The following BCL11B variants were observed in gnomAD, a reference collection of about 807,000 sequenced individuals.
BCL11B encodes the protein B-cell lymphoma/leukemia 11B.
Under a neutral mutation model 49.9 loss-of-function variants are expected in BCL11B, and 8 were observed. That is an observed-to-expected ratio of 0.16 (90% CI 0.09 to 0.29). The LOEUF (loss-of-function observed/expected upper bound fraction) is 0.29, where lower values mean the gene tolerates loss of function less well. Ranked by LOEUF, BCL11B falls within the 10% of genes least tolerant of loss-of-function variation. BCL11B has a pLI of 1.00. For synonymous variants in BCL11B, 739 were observed against 637.4 expected (o/e 1.16, Z -2.40); for missense variants, 1,006 against 1,351.0 (o/e 0.74, Z 4.00).
rs148621264 is a variant in BCL11B at position 99,214,671 on chromosome 14, A to T, written c.640+16674T>A. Among the ~76,000 whole-genome samples, 876 of 151,656 alleles carry T rather than the reference A, an allele frequency of 5.8e-3. 6 individuals carry two copies. Among genetic ancestry groups the T allele is most frequent in the South Asian group, 0.016 (77 of 4,814 alleles). On this transcript the variant is annotated intron_variant, in intron 3 of 3. Transcript: ENST00000357195. Reference sequence around the variant, plus strand: ...ACCTAAAATACATTTAAATATTAAAAAAATAAATAAATAAATAAATAAACA... The same window carrying T: ...ACCTAAAATACATTTAAATATTAAATAAATAAATAAATAAATAAATAAACA...
At chr14:99,254,735 CG>C (rs1359639678) in intron 2 of BCL11B, among the ~76,000 whole-genome samples, 1 of 152,222 alleles carries the variant, frequency 6.6e-6, no homozygotes, top group Non-Finnish European at 1.5e-5. Context: ...ACAGCCGGCC[CG>C]GGGGCCAGGA....
chr14:99,261,010 T>A (rs762009511), intron 1 of BCL11B, among the ~76,000 whole-genome samples: 3 of 152,328 alleles, frequency 2.0e-5, no homozygotes, highest in Middle Eastern at 3.4e-3. Flanking sequence ...ACTTTCAGCG[T>A]TGAAAGTTAA....
chr14:99,241,767 C>G lies in BCL11B; in HGVS notation c.428-10210G>C, dbSNP rs570279057. ...AAAACATCAGTGTCACTAAAAAAAACGTCACTCTGTTTTGCAAAATCCAGC... is the reference window on the plus strand; with the variant it reads ...AAAACATCAGTGTCACTAAAAAAAAGGTCACTCTGTTTTGCAAAATCCAGC... On this transcript the variant is annotated intron_variant, in intron 2 of 3. Transcript: ENST00000357195. The surrounding 1 kb of genome is among the most constrained non-coding windows in gnomAD (Gnocchi z 4.4). Among the ~76,000 whole-genome samples the G allele has an allele frequency of 1.3e-5, 2 of 151,742 alleles. No homozygotes were observed. The highest frequency in any genetic ancestry group is 2.9e-5 in the Non-Finnish European group (2 of 67,982).
intron 1 of BCL11B, among the ~76,000 whole-genome samples, chr14:99,267,552 C>T (rs959270298): frequency 2.0e-5 from 3 of 147,096 alleles, no homozygotes; most frequent in East Asian, 2.0e-4. Flanking sequence ...TCACCCCCCC[C>T]CCACCAACTA....
intron 1 of BCL11B, among the ~76,000 whole-genome samples, chr14:99,267,617 C>T (rs1405238): frequency 0.7 from 104,786 of 150,426 alleles, 37,425 homozygotes; most frequent in East Asian, 0.99. Flanking sequence ...AGGCCCAATT[C>T]TGAAAGACAT....
chr14:99,193,689 C>A (rs1887102231), intron 3 of BCL11B, among the ~76,000 whole-genome samples: 1 of 152,160 alleles, frequency 6.6e-6, no homozygotes, highest in Non-Finnish European at 1.5e-5. Flanking sequence ...AATAGAGAAA[C>A]CAACAGCCAA....
chr14:99,234,855 C>CAAAA (rs34831762), intron 2 of BCL11B, among the ~76,000 whole-genome samples: 22 of 66,556 alleles, frequency 3.3e-4, no homozygotes, highest in East Asian at 4.1e-4. Flanking sequence ...GGTCTATGCA[C>CAAAA]AAAAAAAAAA....
At chr14:99,188,670 AG>A (rs1886931142) in intron 3 of BCL11B, among the ~76,000 whole-genome samples, 1 of 152,042 alleles carries the variant, frequency 6.6e-6, no homozygotes, top group Non-Finnish European at 1.5e-5. Flanking sequence ...CCATAGGGAG[AG>A]GTCTGAGGGG....
chr14:99,200,679 AC>A (rs1304090777), intron 3 of BCL11B, among the ~76,000 whole-genome samples: 1 of 152,036 alleles, frequency 6.6e-6, no homozygotes, highest in Non-Finnish European at 1.5e-5. Context: ...TGGGTCACAG[AC>A]CCCCATGGCC....
At position 99,175,323 on chromosome 14, in the gene BCL11B, G is replaced by C; in HGVS notation, c.1513C>G (p.Leu505Val). The C allele has an allele frequency of 1.3e-6, 2 of 1,546,966 alleles. No individual in the cohort carries two copies. The highest frequency in any genetic ancestry group is 1.7e-6 in the Non-Finnish European group (2 of 1,151,598). Residue 505 changes from leucine (L) to valine (V), a missense_variant, in exon 4 of 4, where the codon CTG becomes GTG. Leu to Val is a conservative substitution (Grantham distance 32). This residue lies in a region of BCL11B where 443 missense variants were observed against 499.7 expected (regional missense o/e 0.89). Transcript: ENST00000357195. ...GCCGCCTTGAGGCCCTCGCCCGCCA[G>C]CTCGCTGGTGCCGGGCTCGGGGGAG... The part of the protein sequence containing the change: ...ASSPEPGTSE[L>V]AGEGLKAADG...
chr14:99,233,525 G>A (rs1888398125), intron 2 of BCL11B, among the ~76,000 whole-genome samples: 1 of 152,146 alleles, frequency 6.6e-6, no homozygotes, highest in African/African-American at 2.4e-5. Context: ...TGGTTCCTGG[G>A]TTCTGGGTGA....
intron 3 of BCL11B, among the ~76,000 whole-genome samples, chr14:99,182,285 G>T (rs1015758842): frequency 6.6e-6 from 1 of 152,194 alleles, no homozygotes; most frequent in Admixed American, 6.5e-5. Context: ...CCACCGTCAT[G>T]ATGACCATTT....
In BCL11B at chr14:99,204,270, G is replaced by C. The variant is rs550954085; in HGVS notation, c.640+27075C>G. On this transcript the variant is annotated intron_variant, in intron 3 of 3. Coordinates refer to ENST00000357195, the MANE Select transcript of BCL11B (RefSeq NM_138576.4). ...GGCCTCTGGGGAAGTCTGTGGACTCGTCTTTCCAGGGGGTCTGGAATGAAG... is the reference window on the plus strand; with the variant it reads ...GGCCTCTGGGGAAGTCTGTGGACTCCTCTTTCCAGGGGGTCTGGAATGAAG... Among the ~76,000 whole-genome samples, 14 of 152,284 alleles carry C rather than the reference G, an allele frequency of 9.2e-5. 1 individual carries two copies. In the Middle Eastern group the frequency reaches 0.017, roughly 185 times the overall value.
intron 3 of BCL11B, among the ~76,000 whole-genome samples, chr14:99,199,702 GCA>G (rs1183950820): frequency 0.027 from 1,898 of 69,354 alleles, 23 homozygotes; most frequent in African/African-American, 0.036. Context: ...GCGCGCACGT[GCA>G]CGTGTGTGCG....
At chr14:99,188,942 T>C (rs1156755442) in intron 3 of BCL11B, among the ~76,000 whole-genome samples, 1 of 152,252 alleles carries the variant, frequency 6.6e-6, no homozygotes, top group Non-Finnish European at 1.5e-5. Context: ...GAATGTTCTT[T>C]TCTGCACCAC....
chr14:99,268,446 A>T (rs1889551147), intron 1 of BCL11B, among the ~76,000 whole-genome samples: 1 of 152,296 alleles, frequency 6.6e-6, no homozygotes, highest in East Asian at 1.9e-4. Flanking sequence ...CCATGTTTTA[A>T]GGGGTATCTT....
chr14:99,238,762 C>T (rs765938290), intron 2 of BCL11B, among the ~76,000 whole-genome samples: 29 of 152,174 alleles, frequency 1.9e-4, no homozygotes, highest in African/African-American at 5.3e-4. Context: ...CCAGCCGGGA[C>T]GCTGATCATT....
In BCL11B at chr14:99,174,372, G is replaced by T; in HGVS notation, c.2464C>A (p.Arg822=). Residue 822 remains arginine, a synonymous_variant, in exon 4 of 4, where the codon CGG becomes AGG. Coordinates refer to ENST00000357195, the MANE Select transcript of BCL11B (RefSeq NM_138576.4). ...TVHRRSHTGE[R]PYKCELCNYA... Reference sequence around the variant, plus strand: ...TTGCACAGCTCGCACTTGTAAGGCCGCTCGCCGGTGTGGCTCCGCCGGTGC... The same window carrying T: ...TTGCACAGCTCGCACTTGTAAGGCCTCTCGCCGGTGTGGCTCCGCCGGTGC... 6.2e-7 allele frequency: 1 copy of T among 1,613,368 alleles called. No individual in the cohort carries two copies.
chr14:99,225,452 C>T (rs554170923), intron 3 of BCL11B, among the ~76,000 whole-genome samples: 7 of 152,282 alleles, frequency 4.6e-5, no homozygotes, highest in Non-Finnish European at 7.4e-5. Context: ...TAAAGGAGAA[C>T]GGGGCTGCCT....
Sources: gnomAD v4.1 joint callset for allele counts (sites outside exome capture counted in the v4.1 genomes callset) on GRCh38, gnomAD v4.1.1 for gene constraint, gnomAD v4.1.1 regional missense constraint, Gnocchi (gnomAD v3.1) non-coding constraint, MANE v1.5 for transcripts, NCBI Gene and HGNC (gene_info 2026-07-23, HGNC 2026-07-21) for gene names.